Variants in ACOXL observed in about 807,000 individuals in gnomAD.
ACOXL encodes acyl-CoA oxidase like, also known as acyl-coenzyme A oxidase-like protein.
ACOXL carries 70 observed loss-of-function variants against 71.9 expected under a neutral mutation model. That is an observed-to-expected ratio of 0.97 (90% confidence interval 0.80 to 1.19). The LOEUF is 1.19. Ranked by LOEUF, ACOXL falls within the 50% of genes most tolerant of loss-of-function variation. The pLI, the probability that ACOXL is intolerant of heterozygous loss-of-function variation, is 0.00. For missense variants in ACOXL, 703 were observed against 736.3 expected (o/e 0.95, Z 0.52); for synonymous variants, 253 against 281.6 (o/e 0.90, Z 1.02).
intron 12 of ACOXL, among the ~76,000 whole-genome samples, chr2:110,964,242 A>C (rs892971683): frequency 6.6e-6 from 1 of 152,204 alleles, no homozygotes. Context: ...GAAATACAGG[A>C]AACTTTAAGG....
At chr2:110,975,544 C>T (rs1574349304) in intron 12 of ACOXL, among the ~76,000 whole-genome samples, 1 of 151,824 alleles carries the variant, frequency 6.6e-6, no homozygotes, top group South Asian at 2.1e-4. Flanking sequence ...ATCATAATAA[C>T]CATCATCACA....
intron 12 of ACOXL, among the ~76,000 whole-genome samples, chr2:110,960,612 A>C (rs905861630): frequency 6.7e-6 from 1 of 149,594 alleles, no homozygotes; most frequent in Non-Finnish European, 1.5e-5. Flanking sequence ...GGTCTTTCTC[A>C]GGCACCCATT....
At position 111,118,215 on chromosome 2, in the gene ACOXL, A is replaced by C. The variant is rs911894229; in HGVS notation, c.*399A>C. On this transcript the variant is annotated 3_prime_UTR_variant, in exon 18 of 18. Transcript: ENST00000439055. ...GTGATTTAGAAAAACTGTGGTGCCG[A>C]GTGAAAGAAAAAAAAAAAAGCAAAC... 1.3e-5 allele frequency: 3 copies of C among 223,750 alleles called. No individual in the cohort carries two copies. Among genetic ancestry groups the C allele is most frequent in the Non-Finnish European group, 2.5e-5 (3 of 117,840 alleles). 13.9% of individuals were successfully genotyped at this position (223,750 alleles called of 1,614,324 possible).
At chr2:110,860,983 G>C (rs1466473907) in intron 10 of ACOXL, among the ~76,000 whole-genome samples, 1 of 152,174 alleles carries the variant, frequency 6.6e-6, no homozygotes, top group African/African-American at 2.4e-5. Context: ...GGAGTAACAA[G>C]GCATACGCCT....
chr2:110,806,875 G>A (rs1167799836), intron 9 of ACOXL, among the ~76,000 whole-genome samples: 1 of 152,096 alleles, frequency 6.6e-6, no homozygotes, highest in South Asian at 2.1e-4. Context: ...GGGTTGTGTG[G>A]GGCAAGGTGT....
chr2:111,097,366 C>A (rs1012642640), intron 17 of ACOXL, among the ~76,000 whole-genome samples: 1 of 152,108 alleles, frequency 6.6e-6, no homozygotes, highest in East Asian at 1.9e-4. Context: ...CCAAAGTGGC[C>A]AAGTAACTCA....
chr2:111,118,035 C>T lies in ACOXL; in HGVS notation c.*219C>T, dbSNP rs2070477019. Reference sequence around the variant, plus strand: ...TCGCCTGGTGCGCTGGATCCCTGTGCCCTTTCCCTGAAACCCAGCCTGGCC... The same window carrying T: ...TCGCCTGGTGCGCTGGATCCCTGTGTCCTTTCCCTGAAACCCAGCCTGGCC... On this transcript the variant is annotated 3_prime_UTR_variant, in exon 18 of 18. Coordinates refer to ENST00000439055, the MANE Select transcript of ACOXL (RefSeq NM_001142807.4). 3.3e-6 allele frequency: 2 copies of T among 613,878 alleles called. No homozygotes were observed. Among genetic ancestry groups the T allele is most frequent in the South Asian group, 4.0e-5 (2 of 50,350 alleles). The allele number at this position is 613,878 out of a possible 1,614,324, so 38.0% of individuals were successfully genotyped here.
At chr2:110,792,797 T>A (rs1684804184) in intron 3 of ACOXL, among the ~76,000 whole-genome samples, 1 of 152,138 alleles carries the variant, frequency 6.6e-6, no homozygotes, top group Non-Finnish European at 1.5e-5. Context: ...AGACCCTGTC[T>A]CTTAAGAAAA....
At chr2:111,061,877 A>G (rs1226335890) in intron 16 of ACOXL, among the ~76,000 whole-genome samples, 7 of 152,004 alleles carry the variant, frequency 4.6e-5, no homozygotes, top group Admixed American at 4.6e-4. Flanking sequence ...TCAAAATAAA[A>G]CTCTAAAAAA....
chr2:110,995,178 G>A (rs974511032), intron 13 of ACOXL, among the ~76,000 whole-genome samples: 9 of 152,062 alleles, frequency 5.9e-5, no homozygotes, highest in African/African-American at 2.2e-4. Context: ...TAGTGGTTGA[G>A]TTATTATTAT....
At chr2:110,846,654 C>CACACACACACACACACACAT (rs1691904618) in intron 10 of ACOXL, among the ~76,000 whole-genome samples, 1 of 151,726 alleles carries the variant, frequency 6.6e-6, no homozygotes, top group African/African-American at 2.4e-5. Context: ...CACACACACA[C>CACACACACACACACACACAT]ACACACACAC....
chr2:110,783,020 C>T (rs934430774), intron 2 of ACOXL, among the ~76,000 whole-genome samples: 1 of 152,124 alleles, frequency 6.6e-6, no homozygotes, highest in East Asian at 1.9e-4. Context: ...CTTCTTCTGG[C>T]TTAATAATGA....
chr2:110,951,710 TTATC>T (rs527364569), intron 12 of ACOXL, among the ~76,000 whole-genome samples: 5 of 152,240 alleles, frequency 3.3e-5, no homozygotes, highest in Admixed American at 6.5e-5. Context: ...ATGGAATTAT[TTATC>T]TGCATTTATT....
At chr2:111,054,106 T>C (rs2066422308) in intron 16 of ACOXL, among the ~76,000 whole-genome samples, 1 of 152,174 alleles carries the variant, frequency 6.6e-6, no homozygotes, top group Non-Finnish European at 1.5e-5. Flanking sequence ...TTGCCAAAGG[T>C]ACCTGGCTAG....
intron 10 of ACOXL, among the ~76,000 whole-genome samples, chr2:110,905,789 T>G (rs2059419281): frequency 6.6e-6 from 1 of 152,136 alleles, no homozygotes; most frequent in Admixed American, 6.5e-5. Flanking sequence ...CTTCCTATTT[T>G]TAAAGAAAGT....
chr2:111,091,317 C>T (rs1353302359), intron 16 of ACOXL, among the ~76,000 whole-genome samples: 1 of 152,170 alleles, frequency 6.6e-6, no homozygotes, highest in African/African-American at 2.4e-5. Flanking sequence ...AATGTATCAT[C>T]TGTTTCTTGG....
At chr2:110,942,073 C>T (rs2060888546) in intron 12 of ACOXL, among the ~76,000 whole-genome samples, 1 of 152,012 alleles carries the variant, frequency 6.6e-6, no homozygotes, top group African/African-American at 2.4e-5. Context: ...ATTGTGAGGT[C>T]CTTAGACTAT....
At chr2:110,963,564 AATGTGTGT>A (rs1276877324) in intron 12 of ACOXL, 33 of 1,478,462 alleles carry the variant, frequency 2.2e-5, no homozygotes, top group East Asian at 1.5e-4. Flanking sequence ...GCAAATTTGA[AATGTGTGT>A]GTGTGTGTGT....
chr2:110,840,963 A>G (rs1414298385), intron 9 of ACOXL, among the ~76,000 whole-genome samples: 2 of 152,188 alleles, frequency 1.3e-5, no homozygotes, highest in South Asian at 4.1e-4. Flanking sequence ...GGATCCCACC[A>G]TGTGTGGGCG....
Sources: gnomAD v4.1 joint callset for allele counts (sites outside exome capture counted in the v4.1 genomes callset) on GRCh38, gnomAD v4.1.1 for gene constraint, MANE v1.5 for transcripts, NCBI Gene and HGNC (gene_info 2026-07-23, HGNC 2026-07-21) for gene names.